Variants in ATF6 observed in about 807,000 individuals in gnomAD.
ATF6 encodes activating transcription factor 6, also known as cyclic AMP-dependent transcription factor ATF-6 alpha.
In ATF6, 53 loss-of-function variants were observed where a neutral mutation model predicts 83.6. The observed-to-expected ratio is 0.63, with a 90% CI of 0.51 to 0.80. The LOEUF (loss-of-function observed/expected upper bound fraction) is 0.80, where lower values mean the gene tolerates loss of function less well. Among genes scored for constraint, ATF6 ranks in the 30% least tolerant of loss-of-function variants. The pLI is 0.00. For synonymous variants in ATF6, 288 were observed against 285.8 expected (o/e 1.01, Z -0.08); for missense variants, 744 against 797.9 (o/e 0.93, Z 0.81).
intron 14 of ATF6, among the ~76,000 whole-genome samples, chr1:161,907,180 T>A (rs866750220): frequency 6.6e-6 from 1 of 152,194 alleles, no homozygotes; most frequent in Non-Finnish European, 1.5e-5. Flanking sequence ...AAAGGCCTAC[T>A]TCTAGTTGAT....
intron 15 of ATF6, among the ~76,000 whole-genome samples, chr1:161,919,412 C>G: frequency 6.6e-6 from 1 of 152,106 alleles, no homozygotes; most frequent in East Asian, 1.9e-4. Flanking sequence ...CAAATTATTT[C>G]TACTTATGTT....
intron 1 of ATF6, among the ~76,000 whole-genome samples, chr1:161,769,612 A>G (rs1313452524): frequency 6.6e-6 from 1 of 152,172 alleles, no homozygotes; most frequent in Non-Finnish European, 1.5e-5. Context: ...TTACACTGTA[A>G]TATATAATGA....
chr1:161,853,429 C>T (rs930647392), intron 12 of ATF6, 106 bp downstream of exon 12: 4 of 808,920 alleles, frequency 4.9e-6, no homozygotes, highest in Admixed American at 2.2e-5. Flanking sequence ...GAGCTTTAGC[C>T]TCTTCCCACT....
At chr1:161,799,937 CT>C (rs533164575) in intron 6 of ATF6, among the ~76,000 whole-genome samples, 1,993 of 151,460 alleles carry the variant, frequency 0.013, 50 homozygotes, top group African/African-American at 0.045. Context: ...AAGCATAATG[CT>C]TTTTTTTTCT....
chr1:161,849,667 A>G (rs1029210857), intron 10 of ATF6, among the ~76,000 whole-genome samples: 1 of 151,536 alleles, frequency 6.6e-6, no homozygotes, highest in Non-Finnish European at 1.5e-5. Context: ...TTGGAACTGT[A>G]AACTTTTTTT....
intron 15 of ATF6, among the ~76,000 whole-genome samples, chr1:161,939,103 A>G (rs1427169872): frequency 6.6e-6 from 1 of 152,096 alleles, no homozygotes; most frequent in Non-Finnish European, 1.5e-5. Context: ...CTACCATATT[A>G]TCTTCTCCAT....
At chr1:161,864,021 G>C (rs1180521792) in intron 14 of ATF6, among the ~76,000 whole-genome samples, 1 of 152,156 alleles carries the variant, frequency 6.6e-6, no homozygotes, top group East Asian at 1.9e-4. Context: ...AGGAGCACAT[G>C]AATGAATTAG....
At chr1:161,926,645 A>G (rs1422039236) in intron 15 of ATF6, among the ~76,000 whole-genome samples, 1 of 152,142 alleles carries the variant, frequency 6.6e-6, no homozygotes, top group African/African-American at 2.4e-5. Flanking sequence ...ACCCTCGTAC[A>G]TTGTGGGAGG....
chr1:161,924,012 T>G (rs575534849), intron 15 of ATF6, among the ~76,000 whole-genome samples: 1 of 152,364 alleles, frequency 6.6e-6, no homozygotes, highest in East Asian at 1.9e-4. Flanking sequence ...TTTTATTTTT[T>G]AATGTTAAGC....
intron 9 of ATF6, among the ~76,000 whole-genome samples, chr1:161,831,941 T>C (rs538825792): frequency 2.1e-4 from 27 of 126,852 alleles, no homozygotes; most frequent in African/African-American, 7.2e-4. Context: ...ACTTAAAGTA[T>C]AATAAAAAAA....
chr1:161,827,282 T>A (rs985072546), intron 9 of ATF6, among the ~76,000 whole-genome samples: 11 of 152,176 alleles, frequency 7.2e-5, no homozygotes, highest in African/African-American at 2.7e-4. Context: ...TCCGGGAGTC[T>A]GCCAGAGGAG....
intron 10 of ATF6, among the ~76,000 whole-genome samples, chr1:161,848,108 G>A (rs973161378): frequency 2.7e-5 from 4 of 146,032 alleles, no homozygotes; most frequent in Admixed American, 2.2e-4. Context: ...ACTGGTCTTG[G>A]GGAAAAAAAA....
intron 4 of ATF6, among the ~76,000 whole-genome samples, chr1:161,788,871 A>T (rs1684807361): frequency 6.6e-6 from 1 of 152,124 alleles, no homozygotes; most frequent in African/African-American, 2.4e-5. Context: ...GAAATCTTTT[A>T]TGCCTTAGTT....
Position 161,846,675 on chromosome 1 carries a change from G to A in ATF6, c.1319+95G>A, listed in dbSNP as rs974542881. On this transcript the variant is annotated intron_variant, in intron 10 of 15. Coordinates refer to ENST00000367942, the MANE Select transcript of ATF6 (RefSeq NM_007348.4). ...GTATAACATTGCATCTAAATTGTTC[G>A]TGTATATTTTGAGTAGTAGAACACA... 2.7e-5 allele frequency: 35 copies of A among 1,280,968 alleles called. No individual in the cohort carries two copies. In the East Asian group the frequency reaches 3.4e-4, roughly 13 times the overall value. The allele number at this position is 1,280,968 out of a possible 1,614,324, so 79.4% of individuals were successfully genotyped here. A position where few individuals can be genotyped will look rare whatever the true frequency, so the allele number is the denominator to read the frequency against.
At chr1:161,929,306 C>G (rs1426306538) in intron 15 of ATF6, among the ~76,000 whole-genome samples, 2 of 152,176 alleles carry the variant, frequency 1.3e-5, no homozygotes, top group Non-Finnish European at 2.9e-5. Flanking sequence ...CACCACAGAG[C>G]TGGACATAGA....
chr1:161,848,025 G>C (rs757208476), intron 10 of ATF6, among the ~76,000 whole-genome samples: 18 of 151,896 alleles, frequency 1.2e-4, no homozygotes, highest in Admixed American at 7.2e-4. Context: ...TCAGCTTTCA[G>C]AGTAGTACAT....
At chr1:161,793,687 G>T (rs1684939084) in intron 6 of ATF6, among the ~76,000 whole-genome samples, 1 of 152,184 alleles carries the variant, frequency 6.6e-6, no homozygotes, top group South Asian at 2.1e-4. Flanking sequence ...GTATAAAGCA[G>T]GGGTATTCCT....
At chr1:161,912,466 G>T in intron 15 of ATF6, 86 bp downstream of exon 15, 1 of 859,880 alleles carries the variant, frequency 1.2e-6, no homozygotes, top group East Asian at 2.9e-5. Flanking sequence ...CATTTAAAAT[G>T]TTCAGTTAAA....
intron 9 of ATF6, among the ~76,000 whole-genome samples, chr1:161,831,458 G>A (rs377113384): frequency 6.6e-6 from 1 of 152,112 alleles, no homozygotes; most frequent in African/African-American, 2.4e-5. Context: ...TATACCCAAA[G>A]GATTATAAAT....
Sources: gnomAD v4.1 joint callset for allele counts (sites outside exome capture counted in the v4.1 genomes callset) on GRCh38, gnomAD v4.1.1 for gene constraint, MANE v1.5 for transcripts, NCBI Gene and HGNC (gene_info 2026-07-23, HGNC 2026-07-21) for gene names.